The following SYT14 variants were observed in gnomAD, a reference collection of about 807,000 sequenced individuals.
SYT14 encodes synaptotagmin 14.
A neutral mutation model predicts 74.2 loss-of-function variants in SYT14; 32 were observed. The observed-to-expected ratio is 0.43, with a 90% CI of 0.33 to 0.58. SYT14 has a LOEUF of 0.58. SYT14 is among the 20% of genes least tolerant of loss of function. The pLI is 0.05. For missense variants in SYT14, 791 were observed against 981.8 expected (o/e 0.81, Z 2.60); for synonymous variants, 298 against 337.7 (o/e 0.88, Z 1.29).
intron 5 of SYT14, among the ~76,000 whole-genome samples, chr1:210,038,474 A>C (rs1294469642): frequency 2.0e-5 from 3 of 152,036 alleles, no homozygotes; most frequent in African/African-American, 7.2e-5. Flanking sequence ...ACTGTTACCT[A>C]GTTACTTTGC....
At chr1:210,140,275 T>C (rs1440731233) in intron 7 of SYT14, among the ~76,000 whole-genome samples, 2 of 152,328 alleles carry the variant, frequency 1.3e-5, no homozygotes, top group Admixed American at 1.3e-4. Flanking sequence ...TAAATTTCTA[T>C]TAAAATCCTT....
At chr1:210,093,413 T>C (rs367914325) in intron 5 of SYT14, among the ~76,000 whole-genome samples, 1 of 152,174 alleles carries the variant, frequency 6.6e-6, no homozygotes, top group African/African-American at 2.4e-5. Context: ...GCATTCAGGA[T>C]TTATCTACAA....
intron 7 of SYT14, among the ~76,000 whole-genome samples, chr1:210,111,832 G>A (rs1383598139): frequency 6.6e-6 from 1 of 151,312 alleles, no homozygotes; most frequent in African/African-American, 2.5e-5. Flanking sequence ...GGGTTCAGCG[G>A]AATTACTTGC....
At chr1:209,941,851 TG>T (rs2078736045) in intron 1 of SYT14, among the ~76,000 whole-genome samples, 1 of 152,230 alleles carries the variant, frequency 6.6e-6, no homozygotes, top group South Asian at 2.1e-4. Context: ...AATTTAAGAA[TG>T]ATCAAGTTCT....
At chr1:210,139,044 G>A in intron 7 of SYT14, among the ~76,000 whole-genome samples, 1 of 151,230 alleles carries the variant, frequency 6.6e-6, no homozygotes, top group East Asian at 1.9e-4. Flanking sequence ...CCTGTTTCAT[G>A]TATTTGAACG....
intron 5 of SYT14, 74 bp from the exon 5 acceptor site, chr1:210,094,248 T>A (rs1268738108): frequency 1.2e-6 from 2 of 1,602,052 alleles, no homozygotes; most frequent in Non-Finnish European, 1.7e-6. Flanking sequence ...TCAAAAGTTA[T>A]TTACAATTAT....
At chr1:209,954,162 T>A (rs2078955572) in intron 2 of SYT14, among the ~76,000 whole-genome samples, 1 of 152,076 alleles carries the variant, frequency 6.6e-6, no homozygotes, top group South Asian at 2.1e-4. Context: ...GAAAAGAGAA[T>A]CAAAACAAGA....
In SYT14 at chr1:210,016,374, A is replaced by G. The variant is rs1052041353; in HGVS notation, c.371A>G (p.Asp124Gly). The G allele has an allele frequency of 3.2e-5, 40 of 1,232,006 alleles. No individual in the cohort carries two copies. In the African/African-American group the frequency reaches 6.2e-4, roughly 19 times the overall value. 76.3% of individuals were successfully genotyped at this position (1,232,006 alleles called of 1,614,324 possible). Residue 124 changes from aspartate to glycine, a missense_variant, in exon 4 of 10, where the codon GAT becomes GGT. Transcript: ENST00000637265. ...GAAAGAGTATTTAAACATGTTAATGATAGGCAACAAACTCTATCAGAATAT... is the reference window on the plus strand; with the variant it reads ...GAAAGAGTATTTAAACATGTTAATGGTAGGCAACAAACTCTATCAGAATAT...
chr1:209,963,800 G>C (rs2079112697), intron 2 of SYT14, among the ~76,000 whole-genome samples: 1 of 152,156 alleles, frequency 6.6e-6, no homozygotes. Flanking sequence ...GTTCACATCA[G>C]TGCATCTCTA....
chr1:209,966,327 A>G (rs4388704), intron 2 of SYT14, among the ~76,000 whole-genome samples: 150,380 of 152,280 alleles, frequency 0.99, 74,260 homozygotes, highest in East Asian at 1. Flanking sequence ...CCCTTTGCAC[A>G]TCTGTGTGAA....
At chr1:210,057,880 T>G (rs932984474) in intron 5 of SYT14, among the ~76,000 whole-genome samples, 2 of 152,192 alleles carry the variant, frequency 1.3e-5, no homozygotes, top group Non-Finnish European at 1.5e-5. Context: ...CTTGTGACTA[T>G]TTGGGGGTAA....
exon 10 of SYT14, chr1:210,168,269 A>G (rs1489677310): frequency 6.6e-6 from 1 of 152,240 alleles, no homozygotes; most frequent in Non-Finnish European, 1.5e-5. Flanking sequence ...TGTGGTGGCA[A>G]TAGTTGTACA....
At chr1:210,118,501 G>C (rs1470897070) in intron 7 of SYT14, among the ~76,000 whole-genome samples, 2 of 151,934 alleles carry the variant, frequency 1.3e-5, no homozygotes, top group Non-Finnish European at 2.9e-5. Context: ...TTTTGAGATG[G>C]AGTCTTGCTT....
At chr1:209,971,588 T>G (rs1333316350) in intron 2 of SYT14, among the ~76,000 whole-genome samples, 1 of 152,160 alleles carries the variant, frequency 6.6e-6, no homozygotes, top group Non-Finnish European at 1.5e-5. Flanking sequence ...AGGGTTTTTA[T>G]CACAAAGGGA....
intron 2 of SYT14, among the ~76,000 whole-genome samples, chr1:209,962,691 C>T (rs1477615330): frequency 6.6e-6 from 1 of 151,996 alleles, no homozygotes; most frequent in African/African-American, 2.4e-5. Flanking sequence ...AAGAGTAAAG[C>T]AGACCCCCAG....
intron 7 of SYT14, among the ~76,000 whole-genome samples, chr1:210,103,374 C>A (rs987795766): frequency 6.6e-6 from 1 of 151,650 alleles, no homozygotes; most frequent in African/African-American, 2.4e-5. Flanking sequence ...CACGATGAAA[C>A]CCCGTCTCTA....
intron 7 of SYT14, among the ~76,000 whole-genome samples, chr1:210,140,933 A>C (rs1016012221): frequency 6.6e-6 from 1 of 151,798 alleles, no homozygotes; most frequent in Non-Finnish European, 1.5e-5. Flanking sequence ...GGGAAGTGTG[A>C]GTCCTCCAAC....
intron 7 of SYT14, among the ~76,000 whole-genome samples, chr1:210,118,131 G>A (rs2130628): frequency 0.14 from 21,439 of 152,120 alleles, 4,846 homozygotes; most frequent in African/African-American, 0.48. Flanking sequence ...ATGTTTTATG[G>A]AAAGAGAATA....
chr1:210,027,528 A>C (rs1046581365), intron 5 of SYT14, among the ~76,000 whole-genome samples: 1 of 152,130 alleles, frequency 6.6e-6, no homozygotes, highest in African/African-American at 2.4e-5. Context: ...CTGAGGAGGA[A>C]GAGGAGGGGT....
Sources: allele counts gnomAD v4.1 joint callset (sites outside exome capture counted in the v4.1 genomes callset), GRCh38; gene constraint gnomAD v4.1.1; transcripts MANE v1.5; gene names NCBI Gene and HGNC (gene_info 2026-07-23, HGNC 2026-07-21).